The following ZNF883 variants were observed in gnomAD, a reference collection of about 807,000 sequenced individuals.
ZNF883 encodes the protein zinc finger protein 883.
chr9:112,994,987 T>C (rs1828335986), downstream of ZNF883, among the ~76,000 whole-genome samples: 1 of 152,258 alleles, frequency 6.6e-6, no homozygotes, highest in African/African-American at 2.4e-5. Flanking sequence ...ATGGTTTTTC[T>C]TGTAGGTTTA....
At chr9:113,005,489 T>C (rs1703137100) in intron 2 of ZNF883, among the ~76,000 whole-genome samples, 1 of 152,154 alleles carries the variant, frequency 6.6e-6, no homozygotes, top group Admixed American at 6.5e-5. Context: ...GGCAAAAATG[T>C]CAAAAACAGG....
At chr9:113,000,341 G>A (rs1261097585), upstream of ZNF883, among the ~76,000 whole-genome samples, 1 of 152,144 alleles carries the variant, frequency 6.6e-6, no homozygotes, top group Non-Finnish European at 1.5e-5. Context: ...TTTAAACAGA[G>A]AAATTCAATG....
downstream of ZNF883, among the ~76,000 whole-genome samples, chr9:112,992,269 G>A (rs1189359991): frequency 6.6e-6 from 1 of 152,174 alleles, no homozygotes; most frequent in Non-Finnish European, 1.5e-5. Context: ...TCTTGCAAGG[G>A]AGGCCTGGTG....
chr9:112,991,310 A>G (rs898238323), intron 1 of ZNF883, among the ~76,000 whole-genome samples: 1 of 152,176 alleles, frequency 6.6e-6, no homozygotes, highest in African/African-American at 2.4e-5. Context: ...CTTGGTTTCA[A>G]AAAACAATTT....
chr9:112,996,073 GT>G (rs1207781704), downstream of ZNF883, among the ~76,000 whole-genome samples: 2 of 151,232 alleles, frequency 1.3e-5, no homozygotes, highest in South Asian at 2.1e-4. Flanking sequence ...TAATAATCAC[GT>G]TTTTTTTCCT....
At chr9:113,011,056 G>A (rs1284137481) in intron 2 of ZNF883, 85 bp downstream of exon 2, 2 of 151,754 alleles carry the variant, frequency 1.3e-5, no homozygotes, top group African/African-American at 4.8e-5. Flanking sequence ...ACGTTTAATT[G>A]CATATGATTT....
intron 2 of ZNF883, among the ~76,000 whole-genome samples, chr9:113,010,288 A>G (rs1402099906): frequency 2.6e-5 from 4 of 152,340 alleles, no homozygotes; most frequent in African/African-American, 9.6e-5. Context: ...ATTTGTACAA[A>G]TCTGCCCAAC....
chr9:113,003,866 G>A (rs1420211658), intron 2 of ZNF883, among the ~76,000 whole-genome samples: 1 of 152,202 alleles, frequency 6.6e-6, no homozygotes, highest in Non-Finnish European at 1.5e-5. Flanking sequence ...GTTTCTGGAT[G>A]AGAAGACTTA....
rs748387875 is a variant in ZNF883, at chr9:112,997,770, G to A, written n.490C>T. 3.3e-5 allele frequency: 53 copies of A among 1,613,604 alleles called. No homozygotes were observed. In the East Asian group the frequency reaches 4.9e-4, roughly 15 times the overall value. ...TGATGTTCAATTAGGTGTGTGCTGC[G>A]GCTGAAGGTTTTTCCACATTCAGTA... On this transcript the variant is annotated non_coding_transcript_exon_variant, in exon 1 of 1. Transcript: ENST00000639662.
At chr9:112,997,004 G>T (rs1460270864), downstream of ZNF883, 2 of 946,248 alleles carry the variant, frequency 2.1e-6, no homozygotes, top group African/African-American at 1.7e-5. Context: ...AGCATATTAA[G>T]TAAATGAGTG....
At chr9:112,998,528 T>C, upstream of ZNF883, 2 of 278,476 alleles carry the variant, frequency 7.2e-6, no homozygotes, top group Middle Eastern at 2.1e-3. Context: ...CAGTTATCCA[T>C]GGGAAACTGT....
At chr9:113,004,455 A>G (rs1191782584) in intron 2 of ZNF883, among the ~76,000 whole-genome samples, 2 of 152,136 alleles carry the variant, frequency 1.3e-5, no homozygotes, top group Admixed American at 1.3e-4. Flanking sequence ...CTGAGGTAAT[A>G]GTATTAGGTG....
intron 2 of ZNF883, among the ~76,000 whole-genome samples, chr9:113,004,126 GAGC>G (rs750342238): frequency 2.2e-4 from 33 of 152,232 alleles, no homozygotes; most frequent in Non-Finnish European, 4.1e-4. Context: ...TGTGATGAAA[GAGC>G]AGAGAACAGA....
exon 1 of ZNF883, chr9:112,997,784 C>T: frequency 1.2e-6 from 2 of 1,613,648 alleles, no homozygotes; most frequent in Non-Finnish European, 8.5e-7. Flanking sequence ...GAAGGTTTTT[C>T]CACATTCAGT....
At chr9:112,992,134 C>G (rs1174292435), downstream of ZNF883, among the ~76,000 whole-genome samples, 2 of 152,168 alleles carry the variant, frequency 1.3e-5, no homozygotes, top group Non-Finnish European at 2.9e-5. Context: ...ATTGTGCTAG[C>G]TGGTTATTTT....
intron 1 of ZNF883, among the ~76,000 whole-genome samples, chr9:112,989,504 T>G (rs534853110): frequency 2.6e-5 from 4 of 152,322 alleles, no homozygotes; most frequent in Non-Finnish European, 5.9e-5. Flanking sequence ...ACCAGTACTG[T>G]GCTCGTTTGG....
intron 1 of ZNF883, among the ~76,000 whole-genome samples, chr9:113,011,642 C>G (rs1232835781): frequency 6.6e-6 from 1 of 152,148 alleles, no homozygotes; most frequent in Non-Finnish European, 1.5e-5. Flanking sequence ...TAAAACGAAA[C>G]AAGCTATCTC....
Position 112,989,660 on chromosome 9 carries a change from G to A in ZNF883, n.310-6081C>T, listed in dbSNP as rs185853014. On this transcript the variant is annotated intron_variant and non_coding_transcript_variant, in intron 1 of 9. Transcript: ENST00000638823. ...AGTTTTTTCTAATTCTGTGAAGAAT[G>A]TCAATGGTAGTTTAATGGGAATAGC... Among the ~76,000 whole-genome samples the A allele has an allele frequency of 1.0e-3, 152 of 152,286 alleles. No homozygotes were observed. The Middle Eastern group carries it at 0.01, about 10-fold the overall frequency.
At chr9:113,001,601 G>A (rs1828424890), upstream of ZNF883, among the ~76,000 whole-genome samples, 1 of 152,026 alleles carries the variant, frequency 6.6e-6, no homozygotes, top group Non-Finnish European at 1.5e-5. Context: ...ATTGTTACTA[G>A]CACCACCATA....
Sources: gnomAD v4.1 joint callset for allele counts (sites outside exome capture counted in the v4.1 genomes callset) on GRCh38, gnomAD v4.1.1 for gene constraint, MANE v1.5 for transcripts, NCBI Gene and HGNC (gene_info 2026-07-23, HGNC 2026-07-21) for gene names.